PHACTR3: variants seen among roughly 807,000 people sequenced by gnomAD.
PHACTR3 encodes protein phosphatase 1, regulatory subunit 123.
A neutral mutation model predicts 66.8 loss-of-function variants in PHACTR3; 16 were observed. The ratio of observed to expected loss-of-function variants is 0.24; its 90% CI spans 0.16 to 0.36. The LOEUF (loss-of-function observed/expected upper bound fraction) is 0.36. Among genes scored for constraint, PHACTR3 ranks in the 10% least tolerant of loss-of-function variants. The probability of loss-of-function intolerance (pLI) is 1.00; values close to 1 mark genes in which losing one functional copy is unlikely to be tolerated. For synonymous variants in PHACTR3, 323 were observed against 292.1 expected (o/e 1.11, Z -1.08); for missense variants, 647 against 719.9 (o/e 0.90, Z 1.16).
intron 2 of PHACTR3, among the ~76,000 whole-genome samples, chr20:59,745,248 C>T (rs970687925): frequency 6.6e-5 from 10 of 152,166 alleles, no homozygotes; most frequent in African/African-American, 1.7e-4. Context: ...AGTGAAAGGC[C>T]GGGGGACTAG....
At chr20:59,661,532 C>G (rs1166372609) in intron 1 of PHACTR3, among the ~76,000 whole-genome samples, 3 of 152,208 alleles carry the variant, frequency 2.0e-5, no homozygotes, top group African/African-American at 7.2e-5. Flanking sequence ...CATCCTGATA[C>G]TCAATGGACA....
chr20:59,578,919 C>T (rs547142463), intron 1 of PHACTR3, among the ~76,000 whole-genome samples: 286 of 152,294 alleles, frequency 1.9e-3, no homozygotes, highest in African/African-American at 6.5e-3. Context: ...CCCTACTGAG[C>T]GCCAGTCCCA....
At chr20:59,586,116 C>T (rs1450159430) in intron 1 of PHACTR3, among the ~76,000 whole-genome samples, 1 of 152,206 alleles carries the variant, frequency 6.6e-6, no homozygotes, top group African/African-American at 2.4e-5. Context: ...CCTTCTCCAT[C>T]CAAGCCTCCC....
chr20:59,661,888 T>C (rs1028806740), intron 1 of PHACTR3, among the ~76,000 whole-genome samples: 1 of 152,066 alleles, frequency 6.6e-6, no homozygotes, highest in Non-Finnish European at 1.5e-5. Context: ...GTCCACAGGG[T>C]GACCGCTAGT....
In PHACTR3 at chr20:59,806,118, G is replaced by T. The variant is rs779545906; in HGVS notation, c.1252G>T (p.Asp418Tyr). Residue 418 changes from aspartate to tyrosine, a missense_variant, in exon 8 of 13, where the codon GAC (aspartate) becomes TAC (tyrosine). Asp to Tyr is a radical substitution (Grantham distance 160). Around this residue, in one of 2 missense-constraint regions of PHACTR3, gnomAD observed 577 missense variants for 571.1 expected, o/e 1.01. Coordinates refer to ENST00000371015, the MANE Select transcript of PHACTR3 (RefSeq NM_080672.5). ...CCGGCCAAGCAAACAGGAACTAGAA[G>T]ACCGGAACATTTTCCCCAGAAGGAC... is the stretch of plus-strand genomic sequence containing the variant. The part of the protein sequence containing the change: ...RNRPSKQELE[D>Y]RNIFPRRTDE... 6.2e-7 allele frequency: 1 copy of T among 1,614,256 alleles called. No homozygotes were observed. Among genetic ancestry groups the T allele is most frequent in the Non-Finnish European group, 8.5e-7 (1 of 1,180,048 alleles).
At chr20:59,769,527 T>G (rs909233612) in intron 5 of PHACTR3, among the ~76,000 whole-genome samples, 1 of 152,236 alleles carries the variant, frequency 6.6e-6, no homozygotes, top group Non-Finnish European at 1.5e-5. Flanking sequence ...TTCAGACTTC[T>G]GGTCTCCAAA....
At chr20:59,845,834 T>C (rs1442323198) in intron 12 of PHACTR3, among the ~76,000 whole-genome samples, 2 of 152,184 alleles carry the variant, frequency 1.3e-5, no homozygotes, top group African/African-American at 2.4e-5. Context: ...ATTGGCTGAT[T>C]CTCCCATAAT....
At chr20:59,734,587 G>A (rs1292471732) in intron 1 of PHACTR3, among the ~76,000 whole-genome samples, 7 of 152,058 alleles carry the variant, frequency 4.6e-5, no homozygotes, top group African/African-American at 9.7e-5. Context: ...TTTCTATTAT[G>A]TGTACTAAGT....
At chr20:59,770,862 T>C (rs1371903844) in intron 5 of PHACTR3, among the ~76,000 whole-genome samples, 1 of 152,110 alleles carries the variant, frequency 6.6e-6, no homozygotes, top group Non-Finnish European at 1.5e-5. Context: ...CCTGGTCCAG[T>C]TGGTAACGCT....
chr20:59,696,087 C>T (rs1208239863), intron 1 of PHACTR3, among the ~76,000 whole-genome samples: 2 of 152,184 alleles, frequency 1.3e-5, no homozygotes, highest in Non-Finnish European at 2.9e-5. Context: ...AGCCCAGTTC[C>T]ATAACATCCA....
chr20:59,617,264 G>A (rs552656188), intron 1 of PHACTR3, among the ~76,000 whole-genome samples: 4 of 152,130 alleles, frequency 2.6e-5, no homozygotes, highest in South Asian at 4.2e-4. Context: ...AATTAAAATC[G>A]AGGGAGAAAA....
chr20:59,786,709 ACT>A (rs1248133793), intron 7 of PHACTR3, among the ~76,000 whole-genome samples: 1 of 148,976 alleles, frequency 6.7e-6, no homozygotes, highest in Non-Finnish European at 1.5e-5. Flanking sequence ...TCCACAGAGC[ACT>A]CTCTGTGCAG....
chr20:59,614,348 G>A (rs980681901), intron 1 of PHACTR3, among the ~76,000 whole-genome samples: 2 of 152,244 alleles, frequency 1.3e-5, no homozygotes, highest in Non-Finnish European at 2.9e-5. Flanking sequence ...TGGCCACTGG[G>A]ACAAGATTTA....
chr20:59,718,454 T>G lies in PHACTR3; in HGVS notation c.119-24653T>G, dbSNP rs550677124. ...GTCTCTGACCCCAGGGCCAGTGGTT[T>G]CACCCACCTGGACCATCTACAAGGG... is the stretch of plus-strand genomic sequence containing the variant. On this transcript the variant is annotated intron_variant, in intron 1 of 12. Transcript: ENST00000371015. Among the ~76,000 whole-genome samples the G allele has an allele frequency of 5.9e-5, 9 of 152,230 alleles. No individual in the cohort carries two copies. In the South Asian group the frequency reaches 1.7e-3, roughly 28 times the overall value.
intron 8 of PHACTR3, among the ~76,000 whole-genome samples, chr20:59,814,344 G>A (rs954415290): frequency 2.6e-5 from 4 of 152,200 alleles, no homozygotes; most frequent in African/African-American, 9.7e-5. Context: ...AGGGAGGAGG[G>A]CCTGCCAGCC....
intron 1 of PHACTR3, among the ~76,000 whole-genome samples, chr20:59,707,865 G>A (rs955430457): frequency 7.9e-5 from 12 of 152,266 alleles, no homozygotes; most frequent in South Asian, 2.1e-4. Context: ...CATCAGTGCC[G>A]TATTTCTTGT....
intron 1 of PHACTR3, among the ~76,000 whole-genome samples, chr20:59,699,115 G>T (rs6128665): frequency 0.24 from 36,940 of 152,088 alleles, 4,986 homozygotes; most frequent in East Asian, 0.6. Context: ...TCCAAGAACA[G>T]GGAAAATATC....
chr20:59,619,955 C>G (rs1480731577), intron 1 of PHACTR3, among the ~76,000 whole-genome samples: 2 of 152,136 alleles, frequency 1.3e-5, no homozygotes, highest in Admixed American at 6.5e-5. Flanking sequence ...GGCCTGGAGG[C>G]TGTGCCAGCT....
rs1464502409 is a variant in PHACTR3, at chr20:59,723,580, T to G, written c.119-19527T>G. On this transcript the variant is annotated intron_variant, in intron 1 of 12. Coordinates refer to ENST00000371015, the MANE Select transcript of PHACTR3 (RefSeq NM_080672.5). ...GCTGTGCATATTCACGTGCACATTT[T>G]TGTGTGGACACCTGTTTTCAGTTCT... Among the ~76,000 whole-genome samples the G allele has an allele frequency of 1.3e-5, 2 of 152,184 alleles. 1 individual carries two copies. The highest frequency in any genetic ancestry group is 2.9e-5 in the Non-Finnish European group (2 of 68,034).
Sources: allele counts gnomAD v4.1 joint callset (sites outside exome capture counted in the v4.1 genomes callset), GRCh38; gene constraint gnomAD v4.1.1; regional missense constraint gnomAD v4.1.1; transcripts MANE v1.5; gene names NCBI Gene and HGNC (gene_info 2026-07-23, HGNC 2026-07-21).